SLC12A9: variants seen among roughly 807,000 people sequenced by gnomAD.
SLC12A9 encodes the protein CCC-interacting protein 1.
SLC12A9 carries 55 observed loss-of-function variants against 66.0 expected under a neutral mutation model. That is an observed-to-expected ratio of 0.83 (90% CI 0.67 to 1.04). The LOEUF (loss-of-function observed/expected upper bound fraction) is 1.04, where lower values mean the gene tolerates loss of function less well. SLC12A9 is among the 50% of genes least tolerant of loss of function. SLC12A9 has a pLI of 0.00. For synonymous variants in SLC12A9, 577 were observed against 569.0 expected (o/e 1.01, Z -0.20); for missense variants, 1,061 against 1,241.9 (o/e 0.85, Z 2.19).
rs1363857347 is a variant in SLC12A9, at chr7:100,865,942, C to T, written c.2082C>T (p.Asn694=). 6.2e-7 allele frequency: 1 copy of T among 1,613,428 alleles called. No homozygotes were observed. Among genetic ancestry groups the T allele is most frequent in the Non-Finnish European group, 8.5e-7 (1 of 1,180,010 alleles). Residue 694 remains asparagine (N), a synonymous_variant, in exon 14 of 14, where the codon AAC becomes AAT. Coordinates refer to ENST00000354161, the MANE Select transcript of SLC12A9 (RefSeq NM_020246.4). ...VATVADALKM[N]KNVVLARASG... ...CGGTGGCCGACGCCCTCAAGATGAA[C>T]AAGAATGTGGTGCTGGCCCGGGCCA...
intron 1 of SLC12A9, chr7:100,827,075 C>A: frequency 6.5e-7 from 1 of 1,548,096 alleles, no homozygotes; most frequent in Non-Finnish European, 8.7e-7. Context: ...TTTGGGGGGC[C>A]CTCGCCCCCC....
At chr7:100,860,907 C>G in intron 9 of SLC12A9, 1 of 701,868 alleles carries the variant, frequency 1.4e-6, no homozygotes, top group Non-Finnish European at 2.4e-6. Context: ...GGTTTAATAG[C>G]ATTTTAGGGG....
At chr7:100,843,459 C>A (rs985151828) in intron 1 of SLC12A9, among the ~76,000 whole-genome samples, 1 of 152,232 alleles carries the variant, frequency 6.6e-6, no homozygotes, top group African/African-American at 2.4e-5. Flanking sequence ...ATGTCGGCCC[C>A]AGCCCTGAGG....
intron 1 of SLC12A9, among the ~76,000 whole-genome samples, chr7:100,839,230 C>A (rs556811298): frequency 2.0e-5 from 3 of 152,088 alleles, no homozygotes; most frequent in Non-Finnish European, 4.4e-5. Context: ...GAGGCTGAGG[C>A]AGGAGAATGG....
At chr7:100,854,104 G>T (rs1814236569) in intron 1 of SLC12A9, 52 bp from the exon 2 acceptor site, 1 of 1,190,670 alleles carries the variant, frequency 8.4e-7, no homozygotes, top group South Asian at 1.7e-5. Context: ...GGTCTTTGGG[G>T]GTGGGCGAGC....
At chr7:100,860,757 C>T in intron 9 of SLC12A9, 2 of 386,990 alleles carry the variant, frequency 5.2e-6, no homozygotes, top group South Asian at 2.1e-5. Flanking sequence ...CACTGGCACT[C>T]TCTGGGGTTC....
At chr7:100,842,633 T>C (rs1212314188) in intron 1 of SLC12A9, among the ~76,000 whole-genome samples, 2 of 151,626 alleles carry the variant, frequency 1.3e-5, no homozygotes, top group African/African-American at 4.9e-5. Context: ...TACTAGAGGA[T>C]CATAGAAGTT....
exon 1 of SLC12A9, chr7:100,827,024 G>A: frequency 6.3e-7 from 1 of 1,584,394 alleles, no homozygotes; most frequent in Non-Finnish European, 8.6e-7. Context: ...AGCACCCGGA[G>A]CTCCATGGCG....
chr7:100,857,066 C>T lies in SLC12A9; in HGVS notation c.647C>T (p.Pro216Leu), dbSNP rs765546988. Residue 216 changes from proline (P) to leucine (L), a missense_variant, in exon 5 of 14, where the codon CCG (proline) becomes CTG (leucine). Coordinates refer to ENST00000354161, the MANE Select transcript of SLC12A9 (RefSeq NM_020246.4). ...SVLISFVAVGPRDIRLTPRPG... is the reference protein window; with the variant it reads ...SVLISFVAVGLRDIRLTPRPG... Reference sequence around the variant, plus strand: ...CTCATCAGTTTTGTGGCTGTGGGGCCGAGGGACATCCGCTTGACTCCTAGG... The same window carrying T: ...CTCATCAGTTTTGTGGCTGTGGGGCTGAGGGACATCCGCTTGACTCCTAGG... 18 of 1,614,076 alleles carry T rather than the reference C, an allele frequency of 1.1e-5. No homozygotes were observed. Among genetic ancestry groups the T allele is most frequent in the Admixed American group, 3.3e-5 (2 of 60,008 alleles).
At chr7:100,833,851 G>C (rs898319227) in intron 1 of SLC12A9, among the ~76,000 whole-genome samples, 9 of 147,636 alleles carry the variant, frequency 6.1e-5, no homozygotes, top group African/African-American at 2.3e-4. Flanking sequence ...GAGAATGGCG[G>C]GAACCCGGGA....
Position 100,854,281 on chromosome 7 carries a change from T to C in SLC12A9, c.84T>C (p.Gly28=). The C allele has an allele frequency of 6.3e-7, 1 of 1,597,404 alleles. No individual in the cohort carries two copies. Among genetic ancestry groups the C allele is most frequent in the Admixed American group, 1.9e-5 (1 of 53,996 alleles). Residue 28 remains glycine (G), a synonymous_variant, in exon 2 of 14, where the codon GGT becomes GGC. Transcript: ENST00000354161. ...GVALPANGAG[G]PGGASARKLS... is the part of the protein sequence containing the mutation. ...CCCTCCCTGCCAATGGGGCCGGGGG[T>C]CCTGGAGGGGCGTCTGCCCGGAAGC... is the stretch of plus-strand genomic sequence containing the variant.
upstream of SLC12A9, among the ~76,000 whole-genome samples, chr7:100,850,247 TTTTC>T (rs200752004): frequency 0.011 from 1,288 of 116,798 alleles, 28 homozygotes; most frequent in South Asian, 0.11. Flanking sequence ...CCTTCCTTCC[TTTTC>T]TTTCTTTCTT....
upstream of SLC12A9, among the ~76,000 whole-genome samples, chr7:100,850,449 A>G (rs185849813): frequency 2.0e-5 from 3 of 151,772 alleles, no homozygotes; most frequent in East Asian, 5.8e-4. Flanking sequence ...TGTGTTGCCC[A>G]GGCTGGTCTT....
At position 100,858,853 on chromosome 7, in the gene SLC12A9, A is replaced by C. The variant is rs530739144; in HGVS notation, c.776A>C (p.Tyr259Ser). 1.5e-5 allele frequency: 25 copies of C among 1,614,038 alleles called. No homozygotes were observed. Among genetic ancestry groups the C allele is most frequent in the Non-Finnish European group, 2.0e-5 (24 of 1,180,014 alleles). ...DNLGAGYAED[Y>S]TTGAVMNFAS... Reference sequence around the variant, plus strand: ...CTCCTAGCTGGCTATGCTGAGGACTACACCACGGGAGCCGTGATGAATTTT... The same window carrying C: ...CTCCTAGCTGGCTATGCTGAGGACTCCACCACGGGAGCCGTGATGAATTTT... Residue 259 changes from tyrosine to serine, a missense_variant, in exon 6 of 14, where the codon TAC (tyrosine) becomes TCC (serine). Coordinates refer to ENST00000354161, the MANE Select transcript of SLC12A9 (RefSeq NM_020246.4).
At chr7:100,839,198 G>C (rs1455335705) in intron 1 of SLC12A9, among the ~76,000 whole-genome samples, 1 of 152,036 alleles carries the variant, frequency 6.6e-6, no homozygotes, top group Admixed American at 6.6e-5. Flanking sequence ...GGTGGCGGGC[G>C]CCTGTAGTCC....
intron 1 of SLC12A9, among the ~76,000 whole-genome samples, chr7:100,838,097 G>A (rs1813704752): frequency 6.6e-6 from 1 of 151,928 alleles, no homozygotes; most frequent in Admixed American, 6.6e-5. Flanking sequence ...TCCTGACCTC[G>A]TGATCTGCCC....
chr7:100,850,341 C>T (rs1393213142), upstream of SLC12A9, among the ~76,000 whole-genome samples: 1 of 151,194 alleles, frequency 6.6e-6, no homozygotes, highest in Non-Finnish European at 1.5e-5. Context: ...CTCACCACAG[C>T]CTCCATCCTC....
In SLC12A9 at chr7:100,862,789, G is replaced by T; in HGVS notation, c.1820G>T (p.Arg607Leu). 6.2e-7 allele frequency: 1 copy of T among 1,614,160 alleles called. No homozygotes were observed. The highest frequency in any genetic ancestry group is 1.7e-5 in the Admixed American group (1 of 60,022). ...GATCTAACCCTCTCACCCTCCGTGC[G>T]CCAGGGGGCTCAGCATCTGCTGCGA... ...FVDLTLSPSV[R>L]QGAQHLLRIS... The change falls in exon 13 of 14, where the codon CGC becomes CTC. Residue 607 changes from arginine to leucine, a missense_variant. Transcript: ENST00000354161.
rs753921817 is a variant in SLC12A9, at chr7:100,854,357, A to G, written c.160A>G (p.Ile54Val). 1 of 1,613,344 alleles carries G rather than the reference A, an allele frequency of 6.2e-7. No homozygotes were observed. Among genetic ancestry groups the G allele is most frequent in the South Asian group, 1.1e-5 (1 of 91,006 alleles). Residue 54 changes from isoleucine to valine, a missense_variant, in exon 2 of 14, where the codon ATA (isoleucine) becomes GTA (valine). By Grantham distance (29) the Ile-to-Val change is conservative. Transcript: ENST00000354161. Reference sequence around the variant, plus strand: ...GCCCACTGTCCTGTCCATGTTCAGCATAGTTGTTTTTCTGAGGATTGGTGA... The same window carrying G: ...GCCCACTGTCCTGTCCATGTTCAGCGTAGTTGTTTTTCTGAGGATTGGTGA... ...VVPTVLSMFS[I>V]VVFLRIGFVV...
Sources: allele counts gnomAD v4.1 joint callset (sites outside exome capture counted in the v4.1 genomes callset), GRCh38; gene constraint gnomAD v4.1.1; transcripts MANE v1.5; gene names NCBI Gene and HGNC (gene_info 2026-07-23, HGNC 2026-07-21).